EDIL3: variants seen among roughly 807,000 people sequenced by gnomAD.
EDIL3 encodes the protein EGF-like repeat and discoidin I-like domain-containing protein 3.
Under a neutral mutation model 67.4 loss-of-function variants are expected in EDIL3, and 37 were observed. The ratio of observed to expected loss-of-function variants is 0.55; its 90% CI spans 0.42 to 0.72. The LOEUF (loss-of-function observed/expected upper bound fraction) is 0.72. EDIL3 is among the 30% of genes least tolerant of loss of function. EDIL3 has a pLI of 0.00. For synonymous variants in EDIL3, 195 were observed against 196.3 expected, an observed-to-expected ratio of 0.99 and a Z score of 0.05; for missense variants, 527 against 586.3, an observed-to-expected ratio of 0.90 and a Z score of 1.04.
intron 3 of EDIL3, among the ~76,000 whole-genome samples, chr5:84,181,634 A>T (rs904268931): frequency 1.3e-5 from 2 of 151,980 alleles, no homozygotes; most frequent in African/African-American, 4.8e-5. Flanking sequence ...TCCCCCCAAA[A>T]ATCTTTTACA....
intron 6 of EDIL3, among the ~76,000 whole-genome samples, chr5:84,091,678 C>A (rs1354590823): frequency 6.6e-6 from 1 of 152,108 alleles, no homozygotes; most frequent in Non-Finnish European, 1.5e-5. Context: ...CACTAGTTCC[C>A]AGAAGATAAA....
chr5:84,353,894 A>G (rs1747398390), intron 1 of EDIL3, among the ~76,000 whole-genome samples: 1 of 152,212 alleles, frequency 6.6e-6, no homozygotes, highest in Non-Finnish European at 1.5e-5. Flanking sequence ...TAGAAAAATC[A>G]ACAATACACA....
intron 6 of EDIL3, among the ~76,000 whole-genome samples, chr5:84,103,864 T>G (rs564945253): frequency 6.1e-4 from 93 of 152,184 alleles, no homozygotes; most frequent in South Asian, 1.7e-3. Flanking sequence ...ACAGCATAAC[T>G]GGGTATATAC....
intron 9 of EDIL3, among the ~76,000 whole-genome samples, chr5:84,008,016 G>A (rs73145923): frequency 0.06 from 9,054 of 152,156 alleles, 570 homozygotes; most frequent in African/African-American, 0.15. Context: ...TCAAATGAAA[G>A]AAGCTAGGCA....
intron 9 of EDIL3, among the ~76,000 whole-genome samples, chr5:83,972,626 G>C (rs960761476): frequency 6.6e-6 from 1 of 152,004 alleles, no homozygotes; most frequent in Admixed American, 6.6e-5. Flanking sequence ...GTTGTCAGCA[G>C]TGTTTGAAAA....
chr5:84,018,378 C>A (rs147717426), intron 9 of EDIL3, among the ~76,000 whole-genome samples: 1 of 152,286 alleles, frequency 6.6e-6, no homozygotes, highest in African/African-American at 2.4e-5. Context: ...TTAACTCTTG[C>A]TTCCCTGAAC....
intron 9 of EDIL3, among the ~76,000 whole-genome samples, chr5:84,021,751 C>G (rs1000189055): frequency 2.0e-5 from 3 of 151,884 alleles, no homozygotes; most frequent in African/African-American, 7.2e-5. Flanking sequence ...TACAAAAGAT[C>G]ACCAGAGACT....
chr5:84,320,251 G>A (rs1484242913), intron 1 of EDIL3, among the ~76,000 whole-genome samples: 2 of 152,112 alleles, frequency 1.3e-5, no homozygotes, highest in African/African-American at 4.8e-5. Flanking sequence ...AAAGTATACT[G>A]ATTGAGAGAA....
chr5:84,012,207 G>A (rs1010806964), intron 9 of EDIL3, among the ~76,000 whole-genome samples: 7 of 152,196 alleles, frequency 4.6e-5, no homozygotes, highest in African/African-American at 1.7e-4. Flanking sequence ...GTTAGACAGA[G>A]TTCAACTTAG....
intron 1 of EDIL3, among the ~76,000 whole-genome samples, chr5:84,285,856 G>A (rs1220534765): frequency 1.3e-5 from 2 of 152,162 alleles, no homozygotes; most frequent in Non-Finnish European, 2.9e-5. Context: ...TCAGTGGCAG[G>A]AGGGATCCAG....
intron 9 of EDIL3, among the ~76,000 whole-genome samples, chr5:83,976,944 T>C (rs536487745): frequency 6.6e-6 from 1 of 151,964 alleles, no homozygotes; most frequent in African/African-American, 2.4e-5. Flanking sequence ...TACTGCACCA[T>C]AACATTCCAT....
intron 1 of EDIL3, among the ~76,000 whole-genome samples, chr5:84,297,255 T>C (rs1443945086): frequency 6.7e-6 from 1 of 148,696 alleles, no homozygotes; most frequent in Non-Finnish European, 1.5e-5. Context: ...AGAGGACATA[T>C]ATGCGACCAA....
chr5:84,371,281 A>C (rs1307202079), intron 1 of EDIL3, among the ~76,000 whole-genome samples: 3 of 146,118 alleles, frequency 2.1e-5, no homozygotes, highest in African/African-American at 7.4e-5. Context: ...GAAACAGAAA[A>C]TCTGCAACAT....
chr5:84,016,012 C>T (rs1447381712), intron 9 of EDIL3, among the ~76,000 whole-genome samples: 1 of 152,078 alleles, frequency 6.6e-6, no homozygotes, highest in Non-Finnish European at 1.5e-5. Context: ...TAGTACCTAA[C>T]AGCTATCTTT....
chr5:84,252,230 G>T (rs1404720973), intron 2 of EDIL3, among the ~76,000 whole-genome samples: 1 of 151,888 alleles, frequency 6.6e-6, no homozygotes, highest in Non-Finnish European at 1.5e-5. Flanking sequence ...GGTCGCTCAC[G>T]CCTGTAATCC....
chr5:84,380,784 C>T (rs999604397), intron 1 of EDIL3, among the ~76,000 whole-genome samples: 3 of 152,022 alleles, frequency 2.0e-5, no homozygotes, highest in African/African-American at 7.2e-5. Context: ...ACTAATTTAA[C>T]TCTAAAAACT....
chr5:84,340,089 T>C (rs1251128602), intron 1 of EDIL3, among the ~76,000 whole-genome samples: 1 of 152,082 alleles, frequency 6.6e-6, no homozygotes, highest in Non-Finnish European at 1.5e-5. Context: ...CGTTTTCTTT[T>C]ATTGCCTTGT....
rs376846936 is a variant in EDIL3, at chr5:83,969,474, C to T, written c.1138-6114G>A. Among the ~76,000 whole-genome samples, 8 of 151,822 alleles carry T rather than the reference C, an allele frequency of 5.3e-5. No homozygotes were observed. In the South Asian group the frequency reaches 6.2e-4, roughly 12 times the overall value. Reference sequence around the variant, plus strand: ...TGACTATATAACATTCCGTATTGTGCGTGCATGAATGAATATGAAAATTTT... The same window carrying T: ...TGACTATATAACATTCCGTATTGTGTGTGCATGAATGAATATGAAAATTTT... On this transcript the variant is annotated intron_variant, in intron 9 of 10. Coordinates refer to ENST00000296591, the MANE Select transcript of EDIL3 (RefSeq NM_005711.5).
intron 1 of EDIL3, among the ~76,000 whole-genome samples, chr5:84,350,451 A>C (rs1747331009): frequency 6.6e-6 from 1 of 152,022 alleles, no homozygotes; most frequent in East Asian, 1.9e-4. Flanking sequence ...ATGGTTTTGC[A>C]TCCACTTAAA....
Sources: gnomAD v4.1 joint callset for allele counts (sites outside exome capture counted in the v4.1 genomes callset) on GRCh38, gnomAD v4.1.1 for gene constraint, MANE v1.5 for transcripts, NCBI Gene and HGNC (gene_info 2026-07-23, HGNC 2026-07-21) for gene names.